Variants in LMO7 observed in about 807,000 individuals in gnomAD.
LMO7 encodes LIM domain 7.
A neutral mutation model predicts 206.5 loss-of-function variants in LMO7; 120 were observed. That is an observed-to-expected ratio of 0.58 (90% CI 0.50 to 0.68). The LOEUF is 0.68. Among genes scored for constraint, LMO7 ranks in the 30% least tolerant of loss-of-function variants. The pLI, the probability that LMO7 is intolerant of heterozygous loss-of-function variation, is 0.00. For missense variants in LMO7, 1,959 were observed against 1,957.9 expected (o/e 1.00, Z -0.01); for synonymous variants, 706 against 681.5 (o/e 1.04, Z -0.56).
chr13:75,659,539 C>G (rs2038375826), intron 1 of LMO7, among the ~76,000 whole-genome samples: 1 of 151,994 alleles, frequency 6.6e-6, no homozygotes, highest in South Asian at 2.1e-4. Context: ...GAGGAAGAAG[C>G]AAAAGTGGAA....
intron 1 of LMO7, among the ~76,000 whole-genome samples, chr13:75,677,875 G>A (rs2040154369): frequency 7.1e-6 from 1 of 140,872 alleles, no homozygotes; most frequent in African/African-American, 2.7e-5. Flanking sequence ...TCCCACCTAT[G>A]AGTGAGAACA....
chr13:75,636,807 C>G, intron 1 of LMO7, 81 bp downstream of exon 1: 1 of 1,367,412 alleles, frequency 7.3e-7, no homozygotes, highest in African/African-American at 1.4e-5. Context: ...CAGCCCCAGT[C>G]ACTCTGCACT....
At chr13:75,656,202 G>A (rs1447544864) in intron 1 of LMO7, among the ~76,000 whole-genome samples, 6 of 152,190 alleles carry the variant, frequency 3.9e-5, no homozygotes, top group African/African-American at 1.4e-4. Flanking sequence ...CCATGCTGAA[G>A]CTAAGATAGT....
intron 16 of LMO7, among the ~76,000 whole-genome samples, chr13:75,833,379 T>G (rs541310898): frequency 5.5e-4 from 84 of 152,304 alleles, no homozygotes; most frequent in African/African-American, 2.0e-3. Flanking sequence ...ACTTTTAGTT[T>G]TGAAGAGTCT....
At chr13:75,672,718 A>G (rs1004214253) in intron 1 of LMO7, among the ~76,000 whole-genome samples, 5 of 152,174 alleles carry the variant, frequency 3.3e-5, no homozygotes, top group Admixed American at 6.5e-5. Flanking sequence ...GCCTCACATG[A>G]AAAGTTCTGT....
intron 2 of LMO7, 128 bp downstream of exon 2, chr13:75,713,380 TTGATC>T (rs2043275956): frequency 1.8e-6 from 1 of 564,666 alleles, no homozygotes; most frequent in South Asian, 2.6e-5. Context: ...CAGGTGAGAT[TTGATC>T]CCTGCAAATT....
intron 16 of LMO7, among the ~76,000 whole-genome samples, 184 bp downstream of exon 16, chr13:75,833,349 T>C (rs1411059010): frequency 6.6e-6 from 1 of 152,160 alleles, no homozygotes; most frequent in Non-Finnish European, 1.5e-5. Flanking sequence ...TTCCATATTG[T>C]TTATTCTCCT....
intron 1 of LMO7, among the ~76,000 whole-genome samples, chr13:75,700,768 C>T (rs1289436428): frequency 6.6e-6 from 1 of 152,196 alleles, no homozygotes; most frequent in Non-Finnish European, 1.5e-5. Flanking sequence ...GACAAAGGGA[C>T]AGTTCACAGA....
chr13:75,633,467 G>C (rs1467640919), upstream of LMO7, among the ~76,000 whole-genome samples: 1 of 152,222 alleles, frequency 6.6e-6, no homozygotes, highest in Non-Finnish European at 1.5e-5. Flanking sequence ...TTACTCAGAA[G>C]AGATAGGTTC....
intron 3 of LMO7, among the ~76,000 whole-genome samples, chr13:75,744,202 A>C (rs2046645240): frequency 6.6e-6 from 1 of 152,230 alleles, no homozygotes; most frequent in South Asian, 2.1e-4. Context: ...GTCACCCAGA[A>C]AGAAAACTTA....
chr13:75,831,700 C>T (rs547309668), intron 15 of LMO7, among the ~76,000 whole-genome samples: 17 of 152,100 alleles, frequency 1.1e-4, no homozygotes, highest in African/African-American at 3.9e-4. Flanking sequence ...ACAACCTGCT[C>T]TTGTGGTAAC....
At chr13:75,762,468 T>A (rs544608850) in intron 4 of LMO7, among the ~76,000 whole-genome samples, 1 of 152,276 alleles carries the variant, frequency 6.6e-6, no homozygotes, top group South Asian at 2.1e-4. Flanking sequence ...TGCTTCCCCC[T>A]AAAATAATAT....
intron 2 of LMO7, chr13:75,623,415 G>A (rs1331185687): frequency 2.9e-6 from 2 of 685,046 alleles, no homozygotes; most frequent in African/African-American, 1.8e-5. Flanking sequence ...CCAGGGTGGA[G>A]TGCAGTGGTG....
chr13:75,696,587 G>A (rs1328924495), intron 1 of LMO7, among the ~76,000 whole-genome samples: 1 of 152,110 alleles, frequency 6.6e-6, no homozygotes, highest in East Asian at 1.9e-4. Flanking sequence ...ACCCAGTTAA[G>A]GGCCTTCTGG....
chr13:75,711,381 C>T (rs527850438), intron 1 of LMO7, among the ~76,000 whole-genome samples: 5 of 152,306 alleles, frequency 3.3e-5, no homozygotes, highest in South Asian at 4.1e-4. Context: ...ATGGTACCAG[C>T]TCCTCCTTGT....
chr13:75,795,613 T>C (rs900999109), intron 5 of LMO7, among the ~76,000 whole-genome samples, 182 bp downstream of exon 5: 11 of 152,244 alleles, frequency 7.2e-5, no homozygotes, highest in African/African-American at 2.4e-4. Flanking sequence ...GGTTAGGCTG[T>C]TCAGCTCCCA....
At chr13:75,633,546 A>G (rs12867671), upstream of LMO7, among the ~76,000 whole-genome samples, 1 of 152,224 alleles carries the variant, frequency 6.6e-6, no homozygotes, top group Non-Finnish European at 1.5e-5. Context: ...TGTTGAAGAC[A>G]CCACAAAGAA....
chr13:75,775,049 A>G (rs1377181179), intron 4 of LMO7, among the ~76,000 whole-genome samples: 3 of 152,156 alleles, frequency 2.0e-5, no homozygotes, highest in Admixed American at 1.3e-4. Flanking sequence ...TATTTTAAGT[A>G]TGTTTTTAGA....
At chr13:75,736,740 G>T (rs1330815216) in intron 3 of LMO7, among the ~76,000 whole-genome samples, 1 of 152,192 alleles carries the variant, frequency 6.6e-6, no homozygotes, top group Non-Finnish European at 1.5e-5. Context: ...AGTTGTAGGG[G>T]AACTGTGAAG....
Sources: gnomAD v4.1 joint callset for allele counts (sites outside exome capture counted in the v4.1 genomes callset) on GRCh38, gnomAD v4.1.1 for gene constraint, MANE v1.5 for transcripts, NCBI Gene and HGNC (gene_info 2026-07-23, HGNC 2026-07-21) for gene names.